The following CDH22 variants were observed in gnomAD, a reference collection of about 807,000 sequenced individuals.
CDH22 encodes the protein cadherin 22, also known as cadherin-22.
In CDH22, 30 loss-of-function variants were observed where a neutral mutation model predicts 58.4. The ratio of observed to expected loss-of-function variants is 0.51; its 90% CI spans 0.38 to 0.70. The LOEUF is 0.70. Ranked by LOEUF, CDH22 falls within the 30% of genes least tolerant of loss-of-function variation. The pLI is 0.00. For missense variants in CDH22, 1,014 were observed against 1,233.9 expected (o/e 0.82, Z 2.67); for synonymous variants, 513 against 558.2 (o/e 0.92, Z 1.14).
intron 1 of CDH22, among the ~76,000 whole-genome samples, chr20:46,256,937 T>A (rs996785540): frequency 5.4e-5 from 8 of 148,596 alleles, no homozygotes; most frequent in Admixed American, 5.4e-4. Context: ...GCCCAGGACT[T>A]CAAGGCTGCA....
At chr20:46,223,817 T>TCTTCCTTC (rs11287075) in intron 4 of CDH22, among the ~76,000 whole-genome samples, 2,050 of 138,148 alleles carry the variant, frequency 0.015, 40 homozygotes, top group African/African-American at 0.034. Flanking sequence ...TTTCTTCCTT[T>TCTTCCTTC]CTTCCTTCCT....
At chr20:46,208,641 C>CTAGA (rs2086017677) in intron 7 of CDH22, among the ~76,000 whole-genome samples, 1 of 152,138 alleles carries the variant, frequency 6.6e-6, no homozygotes, top group Non-Finnish European at 1.5e-5. Flanking sequence ...GTTGCCCAGG[C>CTAGA]TAGAGTGCAA....
At position 46,187,122 on chromosome 20, in the gene CDH22, C is replaced by T. The variant is rs78577545; in HGVS notation, c.1424-175G>A. 9.8e-3 allele frequency among the ~76,000 whole-genome samples: 1,494 copies of T among 152,128 alleles called. 25 individuals are homozygous for T. Among genetic ancestry groups the T allele is most frequent in the African/African-American group, 0.035 (1,437 of 41,468 alleles). On this transcript the variant is annotated intron_variant, in intron 8 of 11. Transcript: ENST00000537909. ...ATTTGGGCATAAGTTAAGTAATCATCACTGTAATCACCACCACCATTACCA... is the reference window on the plus strand; with the variant it reads ...ATTTGGGCATAAGTTAAGTAATCATTACTGTAATCACCACCACCATTACCA...
intron 10 of CDH22, among the ~76,000 whole-genome samples, chr20:46,186,324 A>C (rs2085824838): frequency 6.6e-6 from 1 of 151,910 alleles, no homozygotes; most frequent in African/African-American, 2.4e-5. Context: ...ACTCTGGCAC[A>C]ATCATTCCTC....
At chr20:46,208,834 C>G (rs979232594) in intron 7 of CDH22, among the ~76,000 whole-genome samples, 4 of 152,200 alleles carry the variant, frequency 2.6e-5, no homozygotes, top group Non-Finnish European at 2.9e-5. Context: ...CTCGGGTGAT[C>G]TGCCCGCCTC....
chr20:46,244,136 C>T (rs2086311668), intron 2 of CDH22, among the ~76,000 whole-genome samples: 1 of 152,216 alleles, frequency 6.6e-6, no homozygotes, highest in Non-Finnish European at 1.5e-5. Context: ...TTTCCATCTC[C>T]TGGGTCTCCA....
intron 1 of CDH22, among the ~76,000 whole-genome samples, chr20:46,276,749 C>T (rs1053027370): frequency 6.6e-6 from 1 of 152,196 alleles, no homozygotes; most frequent in Non-Finnish European, 1.5e-5. Flanking sequence ...AGCAGTGGAG[C>T]TATCTGGGGA....
intron 1 of CDH22, among the ~76,000 whole-genome samples, chr20:46,283,352 C>A (rs1358285239): frequency 6.6e-6 from 1 of 152,188 alleles, no homozygotes; most frequent in Non-Finnish European, 1.5e-5. Flanking sequence ...GCTGCGTGAC[C>A]TGGGACACGT....
intron 1 of CDH22, among the ~76,000 whole-genome samples, chr20:46,287,453 A>T (rs1282192039): frequency 1.3e-5 from 2 of 152,076 alleles, no homozygotes; most frequent in East Asian, 3.9e-4. Context: ...GGTCCCTGAG[A>T]AAGTGATTTG....
intron 1 of CDH22, among the ~76,000 whole-genome samples, chr20:46,290,054 G>A (rs2145775692): frequency 6.6e-6 from 1 of 152,318 alleles, no homozygotes; most frequent in South Asian, 2.1e-4. Flanking sequence ...ATTCTAGTTA[G>A]AGCTGAGTGT....
At position 46,174,615 on chromosome 20, in the gene CDH22, G is replaced by C. The variant is rs757187122; in HGVS notation, c.2378C>G (p.Ser793Trp). 2.6e-6 allele frequency: 4 copies of C among 1,540,238 alleles called. No homozygotes were observed. The South Asian group carries it at 4.8e-5, about 18-fold the overall frequency. Reference sequence around the variant, plus strand: ...ATAGGCGAAGTCCTGCTCGGAGCCCGACGAGCCGCTGTGCAGGGAGCTGAG... The same window carrying C: ...ATAGGCGAAGTCCTGCTCGGAGCCCCACGAGCCGCTGTGCAGGGAGCTGAG... ...ASLSSLHSGS[S>W]GSEQDFAYLS... Residue 793 changes from serine (S) to tryptophan (W), a missense_variant, in exon 12 of 12, where the codon TCG becomes TGG. Ser to Trp is a radical substitution (Grantham distance 177). Coordinates refer to ENST00000537909, the MANE Select transcript of CDH22 (RefSeq NM_021248.3). The surrounding 1 kb of genome is among the most constrained non-coding windows in gnomAD (Gnocchi z 4.4).
intron 1 of CDH22, among the ~76,000 whole-genome samples, chr20:46,292,728 C>T (rs1217737982): frequency 1.3e-5 from 2 of 152,144 alleles, no homozygotes; most frequent in Non-Finnish European, 2.9e-5. Flanking sequence ...GTGAATTCTT[C>T]CCTGCGTTGG....
At position 46,213,058 on chromosome 20, in the gene CDH22, G is replaced by T; in HGVS notation, c.969C>A (p.Gly323=). The stretch of plus-strand genomic sequence containing the variant: ...CTGTGGTGACCTTGAACACATCGCC[G>T]CCGCTGCTGCTCTCGTCCTTAAGGT... The part of the protein sequence containing the change: ...TYHLKDESSS[G]GDVFKVTTDS... Residue 323 remains glycine, a synonymous_variant, in exon 6 of 12, where the codon GGC becomes GGA. Coordinates refer to ENST00000537909, the MANE Select transcript of CDH22 (RefSeq NM_021248.3). 6.2e-7 allele frequency: 1 copy of T among 1,614,132 alleles called. No homozygotes were observed. Among genetic ancestry groups the T allele is most frequent in the East Asian group, 2.2e-5 (1 of 44,890 alleles).
intron 8 of CDH22, among the ~76,000 whole-genome samples, chr20:46,190,895 C>A (rs1470598675): frequency 6.6e-6 from 1 of 152,164 alleles, no homozygotes; most frequent in African/African-American, 2.4e-5. Flanking sequence ...GGCAGGAGAA[C>A]TGCTGTGCAG....
intron 1 of CDH22, among the ~76,000 whole-genome samples, chr20:46,266,486 C>T (rs966468286): frequency 1.3e-5 from 2 of 152,208 alleles, no homozygotes; most frequent in Admixed American, 1.3e-4. Context: ...CATTACAGAG[C>T]AGGTTTGGAG....
At chr20:46,270,483 T>G (rs887481622) in intron 1 of CDH22, among the ~76,000 whole-genome samples, 3 of 152,104 alleles carry the variant, frequency 2.0e-5, no homozygotes, top group African/African-American at 7.2e-5. Flanking sequence ...ATCTTCTTCC[T>G]TAATCTCCGG....
intron 1 of CDH22, among the ~76,000 whole-genome samples, chr20:46,296,880 C>T (rs999104832): frequency 6.6e-6 from 1 of 152,180 alleles, no homozygotes; most frequent in Non-Finnish European, 1.5e-5. Flanking sequence ...TCTCCCAGCC[C>T]GTAAGACGAG....
At position 46,280,079 on chromosome 20, in the gene CDH22, C is replaced by T. The variant is rs1410952206; in HGVS notation, c.-400+28176G>A. On this transcript the variant is annotated intron_variant, in intron 1 of 11. Transcript: ENST00000537909. Reference sequence around the variant, plus strand: ...AGTTGGGAGTCACACCTGGGGCTGTCTGGTTCCACAGGCTGGGCCTCTTTT... The same window carrying T: ...AGTTGGGAGTCACACCTGGGGCTGTTTGGTTCCACAGGCTGGGCCTCTTTT... Among the ~76,000 whole-genome samples, 3 of 152,184 alleles carry T rather than the reference C, an allele frequency of 2.0e-5. No individual in the cohort carries two copies. The East Asian group carries it at 5.8e-4, about 29-fold the overall frequency.
At chr20:46,294,155 C>T (rs2086618557) in intron 1 of CDH22, among the ~76,000 whole-genome samples, 2 of 152,244 alleles carry the variant, frequency 1.3e-5, no homozygotes, top group Middle Eastern at 3.4e-3. Context: ...TGCATTGATC[C>T]TCAGTGCAAC....
Sources: gnomAD v4.1 joint callset for allele counts (sites outside exome capture counted in the v4.1 genomes callset) on GRCh38, gnomAD v4.1.1 for gene constraint, Gnocchi (gnomAD v3.1) non-coding constraint, MANE v1.5 for transcripts, NCBI Gene and HGNC (gene_info 2026-07-23, HGNC 2026-07-21) for gene names.